ASAP1: variants seen among roughly 807,000 people sequenced by gnomAD.
ASAP1 encodes the protein arf-GAP with SH3 domain, ANK repeat and PH domain-containing protein 1.
A neutral mutation model predicts 145.2 loss-of-function variants in ASAP1; 43 were observed. The observed-to-expected ratio is 0.30, with a 90% CI of 0.23 to 0.38. The LOEUF (loss-of-function observed/expected upper bound fraction) is 0.38, where lower values mean the gene tolerates loss of function less well. Ranked by LOEUF, ASAP1 falls within the 10% of genes least tolerant of loss-of-function variation. ASAP1 has a pLI of 1.00. For synonymous variants in ASAP1, 546 were observed against 515.5 expected, an observed-to-expected ratio of 1.06 and a Z score of -0.80; for missense variants, 1,018 against 1,355.3, an observed-to-expected ratio of 0.75 and a Z score of 3.91.
At chr8:130,260,747 G>C (rs1196737318) in intron 3 of ASAP1, among the ~76,000 whole-genome samples, 1 of 152,222 alleles carries the variant, frequency 6.6e-6, no homozygotes, top group Non-Finnish European at 1.5e-5. Flanking sequence ...CTGTCTCTAT[G>C]TGCCGAACCA....
At chr8:130,274,880 G>A (rs1036889715) in intron 3 of ASAP1, among the ~76,000 whole-genome samples, 5 of 152,202 alleles carry the variant, frequency 3.3e-5, no homozygotes, top group African/African-American at 1.2e-4. Context: ...CTGTATACCT[G>A]TGGGTGGAAA....
intron 24 of ASAP1, among the ~76,000 whole-genome samples, chr8:130,111,893 G>A (rs2135584004): frequency 6.6e-6 from 1 of 152,282 alleles, no homozygotes; most frequent in South Asian, 2.1e-4. Context: ...TGCACAAAGA[G>A]AGCCCACAGC....
rs988178134 is a variant in ASAP1 at position 130,285,273 on chromosome 8, C to T, written c.187-48279G>A. Among the ~76,000 whole-genome samples, 4 of 151,784 alleles carry T rather than the reference C, an allele frequency of 2.6e-5. No homozygotes were observed. The East Asian group carries it at 7.7e-4, about 29-fold the overall frequency. ...TCCTTGCAGAACTTTCAGAAACATA[C>T]ACAAATAAAAATGGAATACTCAAGG... On this transcript the variant is annotated intron_variant, in intron 3 of 29. Transcript: ENST00000518721.
intron 12 of ASAP1, among the ~76,000 whole-genome samples, chr8:130,158,207 T>G (rs564418139): frequency 1.3e-5 from 2 of 150,904 alleles, no homozygotes; most frequent in Admixed American, 1.3e-4. Flanking sequence ...AGCTTTCTTT[T>G]AAAAAAAAAC....
intron 1 of ASAP1, among the ~76,000 whole-genome samples, chr8:130,407,237 C>T (rs1829071218): frequency 6.6e-6 from 1 of 152,154 alleles, no homozygotes; most frequent in Admixed American, 6.5e-5. Flanking sequence ...GCTTGGGCAC[C>T]TCAGGCTCAA....
chr8:130,073,984 G>A (rs933328328), intron 27 of ASAP1, among the ~76,000 whole-genome samples: 2 of 152,076 alleles, frequency 1.3e-5, no homozygotes, highest in South Asian at 2.1e-4. Context: ...TCTATAGAAC[G>A]AATAACACAG....
chr8:130,161,439 C>T (rs532729802), intron 11 of ASAP1, among the ~76,000 whole-genome samples: 7 of 152,210 alleles, frequency 4.6e-5, no homozygotes, highest in Admixed American at 3.3e-4. Context: ...TCATAGATTC[C>T]GTGTTCAAAA....
chr8:130,064,495 TAGAGA>T (rs1047634571), intron 27 of ASAP1, among the ~76,000 whole-genome samples: 1 of 152,110 alleles, frequency 6.6e-6, no homozygotes, highest in Non-Finnish European at 1.5e-5. Flanking sequence ...CAGTTTTAAG[TAGAGA>T]AGCCTGTCAG....
chr8:130,220,467 A>C (rs1817222642), intron 4 of ASAP1, among the ~76,000 whole-genome samples: 1 of 152,206 alleles, frequency 6.6e-6, no homozygotes, highest in African/African-American at 2.4e-5. Flanking sequence ...ATAAATAAGG[A>C]AATTTAAATT....
At chr8:130,109,558 T>G (rs908874744) in intron 24 of ASAP1, among the ~76,000 whole-genome samples, 1 of 152,134 alleles carries the variant, frequency 6.6e-6, no homozygotes, top group South Asian at 2.1e-4. Flanking sequence ...GACCTCTGCT[T>G]TATTTGTCAT....
At chr8:130,389,133 G>A (rs1453378659) in intron 2 of ASAP1, among the ~76,000 whole-genome samples, 1 of 141,948 alleles carries the variant, frequency 7.0e-6, no homozygotes, top group Non-Finnish European at 1.6e-5. Flanking sequence ...TGTTGCTGCT[G>A]TTGTTGTTGT....
At chr8:130,091,244 C>T (rs959909282) in intron 25 of ASAP1, among the ~76,000 whole-genome samples, 2 of 152,150 alleles carry the variant, frequency 1.3e-5, no homozygotes, top group Admixed American at 6.5e-5. Flanking sequence ...ATGGAGCTTA[C>T]ATTTTAGTGG....
intron 1 of ASAP1, among the ~76,000 whole-genome samples, chr8:130,414,151 G>A (rs533362487): frequency 2.0e-5 from 3 of 152,376 alleles, no homozygotes; most frequent in Non-Finnish European, 2.9e-5. Flanking sequence ...AAGGTAGGAA[G>A]AGGGAATTCT....
intron 4 of ASAP1, among the ~76,000 whole-genome samples, chr8:130,229,395 T>A (rs1173183884): frequency 6.6e-6 from 1 of 152,174 alleles, no homozygotes; most frequent in Non-Finnish European, 1.5e-5. Flanking sequence ...GAAAATACAA[T>A]CCTACTTTGA....
At chr8:130,079,030 CAAAAAAAT>C (rs2135304582) in intron 26 of ASAP1, among the ~76,000 whole-genome samples, 1 of 151,022 alleles carries the variant, frequency 6.6e-6, no homozygotes, top group South Asian at 2.1e-4. Context: ...CTTGTCTCTA[CAAAAAAAT>C]AAAAAAATCA....
intron 5 of ASAP1, among the ~76,000 whole-genome samples, chr8:130,210,477 C>A (rs1228307122): frequency 6.6e-6 from 1 of 152,052 alleles, no homozygotes; most frequent in African/African-American, 2.4e-5. Context: ...GTCCTAAAAC[C>A]AAAAAGTTTG....
At chr8:130,138,693 G>A (rs1202480296) in intron 13 of ASAP1, among the ~76,000 whole-genome samples, 7 of 151,934 alleles carry the variant, frequency 4.6e-5, no homozygotes, top group East Asian at 1.9e-4. Flanking sequence ...AAAATTAGCC[G>A]GGCGTGGTGT....
intron 4 of ASAP1, among the ~76,000 whole-genome samples, chr8:130,215,815 C>A (rs1402031317): frequency 2.6e-5 from 4 of 151,918 alleles, no homozygotes; most frequent in African/African-American, 9.7e-5. Flanking sequence ...GTCTCAGCTA[C>A]TTGGGAGGCT....
intron 1 of ASAP1, among the ~76,000 whole-genome samples, chr8:130,419,695 A>G (rs1249794707): frequency 1.3e-5 from 2 of 151,992 alleles, no homozygotes; most frequent in African/African-American, 4.8e-5. Flanking sequence ...AGGGAGCCCC[A>G]GCAGAAGACA....
Sources: allele counts gnomAD v4.1 joint callset (sites outside exome capture counted in the v4.1 genomes callset), GRCh38; gene constraint gnomAD v4.1.1; transcripts MANE v1.5; gene names NCBI Gene and HGNC (gene_info 2026-07-23, HGNC 2026-07-21).